The following TMEM131 variants were observed in gnomAD, a reference collection of about 807,000 sequenced individuals.
The protein encoded by TMEM131 is 2610524E03Rik.
A neutral mutation model predicts 211.6 loss-of-function variants in TMEM131; 66 were observed. The observed-to-expected ratio is 0.31, with a 90% CI of 0.26 to 0.38. The LOEUF (loss-of-function observed/expected upper bound fraction) is 0.38, where lower values mean the gene tolerates loss of function less well. Ranked by LOEUF, TMEM131 falls within the 10% of genes least tolerant of loss-of-function variation. The pLI is 1.00. For synonymous variants in TMEM131, 844 were observed against 841.3 expected (o/e 1.00, Z -0.06); for missense variants, 2,036 against 2,299.3 (o/e 0.89, Z 2.34).
chr2:97,770,899 T>C (rs533146145), intron 33 of TMEM131, among the ~76,000 whole-genome samples: 1 of 152,358 alleles, frequency 6.6e-6, no homozygotes, highest in South Asian at 2.1e-4. Context: ...TTGGACTTAT[T>C]AGCCTCATTT....
chr2:97,905,287 G>A (rs765014328), intron 3 of TMEM131, among the ~76,000 whole-genome samples: 2 of 152,046 alleles, frequency 1.3e-5, no homozygotes, highest in African/African-American at 2.4e-5. Context: ...GTTTTGGGGT[G>A]GCATTTGTCC....
At chr2:97,975,341 A>G (rs1356139975) in intron 1 of TMEM131, among the ~76,000 whole-genome samples, 1 of 152,096 alleles carries the variant, frequency 6.6e-6, no homozygotes, top group Non-Finnish European at 1.5e-5. Flanking sequence ...AAGCCAAAAG[A>G]TGCTTTTTGT....
Position 97,981,028 on chromosome 2 carries a change from C to CAAAAAAAAAAA in TMEM131, c.187+14437_187+14447dup, listed in dbSNP as rs57606185. 1.9e-3 allele frequency among the ~76,000 whole-genome samples: 72 copies of CAAAAAAAAAAA among 37,974 alleles called. 10 individuals carry two copies. Among genetic ancestry groups the CAAAAAAAAAAA allele is most frequent in the Non-Finnish European group, 2.5e-3 (55 of 21,682 alleles). The allele number at this position is 37,974 out of a possible 152,430, so 24.9% of individuals were successfully genotyped here. On this transcript the variant is annotated intron_variant, in intron 1 of 40. Coordinates refer to ENST00000186436, the MANE Select transcript of TMEM131 (RefSeq NM_015348.2). The stretch of plus-strand genomic sequence containing the variant: ...TGCTGAAACTCACAGAACTACACAC[C>CAAAAAAAAAAA]AAAAAAAAAAAAAAAAAAAAAAAAA...
intron 4 of TMEM131, among the ~76,000 whole-genome samples, chr2:97,861,144 C>T (rs1240287171): frequency 1.3e-5 from 2 of 152,112 alleles, no homozygotes; most frequent in Non-Finnish European, 2.9e-5. Flanking sequence ...ATTAGCCTTG[C>T]CACCTCAGGC....
chr2:97,803,424 C>G (rs1573384838), intron 22 of TMEM131, among the ~76,000 whole-genome samples: 1 of 152,194 alleles, frequency 6.6e-6, no homozygotes, highest in African/African-American at 2.4e-5. Flanking sequence ...ATATTCAAGA[C>G]CTCATCTGAA....
intron 4 of TMEM131, among the ~76,000 whole-genome samples, chr2:97,883,768 T>C (rs890413412): frequency 1.3e-5 from 2 of 152,184 alleles, no homozygotes; most frequent in Non-Finnish European, 2.9e-5. Context: ...TGTTCTTTAT[T>C]ATAAAATAAC....
At chr2:97,941,558 T>A (rs1677730477) in intron 1 of TMEM131, among the ~76,000 whole-genome samples, 1 of 151,828 alleles carries the variant, frequency 6.6e-6, no homozygotes, top group African/African-American at 2.4e-5. Flanking sequence ...TGGGAGAAAA[T>A]TTTTACCATC....
intron 5 of TMEM131, among the ~76,000 whole-genome samples, chr2:97,845,217 C>T (rs961265836): frequency 6.6e-6 from 1 of 151,982 alleles, no homozygotes; most frequent in Admixed American, 6.6e-5. Context: ...AAGACAAGCA[C>T]CTCCAAGGAC....
At chr2:97,953,031 G>A (rs534636766) in intron 1 of TMEM131, among the ~76,000 whole-genome samples, 7 of 152,262 alleles carry the variant, frequency 4.6e-5, no homozygotes, top group East Asian at 1.9e-4. Context: ...GCTTAAAGAA[G>A]GTCTAAAGGA....
chr2:97,877,800 A>G (rs181734971), intron 4 of TMEM131, among the ~76,000 whole-genome samples: 240 of 152,300 alleles, frequency 1.6e-3, no homozygotes, highest in African/African-American at 5.5e-3. Context: ...GCATGGGCAA[A>G]GACTTCATGA....
intron 1 of TMEM131, among the ~76,000 whole-genome samples, chr2:97,964,538 TATC>T (rs1678960019): frequency 6.6e-6 from 1 of 152,274 alleles, no homozygotes; most frequent in African/African-American, 2.4e-5. Flanking sequence ...GATCTATTTT[TATC>T]ATATCAAGCT....
intron 13 of TMEM131, 63 bp from the exon 14 acceptor site, chr2:97,814,451 C>T (rs1001763259): frequency 7.1e-7 from 1 of 1,411,870 alleles, no homozygotes; most frequent in Non-Finnish European, 9.5e-7. Flanking sequence ...AATTTAAAAT[C>T]CAAGTTCTTC....
chr2:97,946,245 AAAAAG>A (rs1375464973), intron 1 of TMEM131, among the ~76,000 whole-genome samples: 2 of 152,082 alleles, frequency 1.3e-5, no homozygotes, highest in African/African-American at 4.8e-5. Context: ...TTTTTAATAA[AAAAAG>A]AAAAGAAATA....
chr2:97,802,891 T>A, intron 22 of TMEM131, 101 bp from the exon 23 acceptor site: 1 of 1,022,772 alleles, frequency 9.8e-7, no homozygotes, highest in Non-Finnish European at 1.4e-6. Flanking sequence ...AATTTTTTGC[T>A]GGCCCTGAAA....
At chr2:97,791,433 G>T (rs1680492871) in intron 31 of TMEM131, among the ~76,000 whole-genome samples, 1 of 152,192 alleles carries the variant, frequency 6.6e-6, no homozygotes, top group African/African-American at 2.4e-5. Flanking sequence ...TTCTGGGGGA[G>T]CCAACTGCCA....
chr2:97,771,080 T>G (rs1247384857), intron 33 of TMEM131, among the ~76,000 whole-genome samples: 1 of 152,122 alleles, frequency 6.6e-6, no homozygotes, highest in Non-Finnish European at 1.5e-5. Flanking sequence ...AGAGGTGGTC[T>G]CCTTTTCTCT....
chr2:97,968,498 A>C (rs1679154388), intron 1 of TMEM131, among the ~76,000 whole-genome samples: 1 of 152,162 alleles, frequency 6.6e-6, no homozygotes, highest in Non-Finnish European at 1.5e-5. Flanking sequence ...CATTTCAGAC[A>C]ACACAGTGGG....
At chr2:97,926,835 C>G (rs1677012159) in intron 2 of TMEM131, among the ~76,000 whole-genome samples, 1 of 152,190 alleles carries the variant, frequency 6.6e-6, no homozygotes, top group African/African-American at 2.4e-5. Flanking sequence ...CAGTTCCTAA[C>G]AGACACAAAT....
intron 3 of TMEM131, among the ~76,000 whole-genome samples, chr2:97,902,265 C>T (rs1675887661): frequency 6.6e-6 from 1 of 152,102 alleles, no homozygotes; most frequent in African/African-American, 2.4e-5. Flanking sequence ...ACAATATACA[C>T]TCAGACTAAA....
Sources: gnomAD v4.1 joint callset for allele counts (sites outside exome capture counted in the v4.1 genomes callset) on GRCh38, gnomAD v4.1.1 for gene constraint, MANE v1.5 for transcripts, NCBI Gene and HGNC (gene_info 2026-07-23, HGNC 2026-07-21) for gene names.